Variants in TNIP3 observed in about 807,000 individuals in gnomAD.
TNIP3 encodes TNFAIP3 interacting protein 3.
TNIP3 carries 34 observed loss-of-function variants against 54.1 expected under a neutral mutation model. That is an observed-to-expected ratio of 0.63 (90% CI 0.48 to 0.84). The LOEUF is 0.84. Among genes scored for constraint, TNIP3 ranks in the 40% least tolerant of loss-of-function variants. TNIP3 has a pLI of 0.00. For missense variants in TNIP3, 366 were observed against 387.6 expected (o/e 0.94, Z 0.47); for synonymous variants, 134 against 136.8 (o/e 0.98, Z 0.14).
intron 3 of TNIP3, among the ~76,000 whole-genome samples, chr4:121,182,003 C>A (rs1323256643): frequency 6.6e-6 from 1 of 151,970 alleles, no homozygotes; most frequent in Non-Finnish European, 1.5e-5. Flanking sequence ...TTTAAAATGC[C>A]AGCCATGCTC....
intron 3 of TNIP3, among the ~76,000 whole-genome samples, chr4:121,180,216 T>A (rs948285514): frequency 6.6e-6 from 1 of 152,018 alleles, no homozygotes; most frequent in Admixed American, 6.5e-5. Context: ...CTGGCTAACA[T>A]GGTGAAACCC....
upstream of TNIP3, among the ~76,000 whole-genome samples, chr4:121,220,903 T>C (rs1399099798): frequency 6.6e-6 from 1 of 152,138 alleles, no homozygotes; most frequent in Non-Finnish European, 1.5e-5. Context: ...GGAAAATGCC[T>C]GCAGAGTCAG....
At chr4:121,134,351 T>A (rs943349413) in intron 10 of TNIP3, among the ~76,000 whole-genome samples, 1 of 152,202 alleles carries the variant, frequency 6.6e-6, no homozygotes, top group African/African-American at 2.4e-5. Flanking sequence ...ACAAACAACA[T>A]GTTTTTCAAG....
At chr4:121,213,689 T>C (rs906706017) in intron 2 of TNIP3, among the ~76,000 whole-genome samples, 4 of 148,066 alleles carry the variant, frequency 2.7e-5, no homozygotes, top group African/African-American at 7.6e-5. Flanking sequence ...ATCGTGCCAC[T>C]GCACTTCAGC....
intron 2 of TNIP3, among the ~76,000 whole-genome samples, chr4:121,205,189 T>A (rs1192073573): frequency 6.6e-6 from 1 of 152,000 alleles, no homozygotes. Context: ...TGATCAAAGG[T>A]GGGACTTATT....
intron 2 of TNIP3, among the ~76,000 whole-genome samples, chr4:121,207,128 T>C (rs1286290949): frequency 6.6e-6 from 1 of 152,218 alleles, no homozygotes; most frequent in Non-Finnish European, 1.5e-5. Flanking sequence ...TGTTTTGTTT[T>C]GTTTTGCTTG....
chr4:121,163,432 A>T (rs2148816628), intron 1 of TNIP3, among the ~76,000 whole-genome samples: 1 of 152,338 alleles, frequency 6.6e-6, no homozygotes, highest in East Asian at 1.9e-4. Context: ...CTTACGGAAC[A>T]GTTATTCCCT....
intron 2 of TNIP3, among the ~76,000 whole-genome samples, chr4:121,192,155 A>G (rs1360977572): frequency 6.6e-6 from 1 of 152,190 alleles, no homozygotes; most frequent in Non-Finnish European, 1.5e-5. Flanking sequence ...GAGTCTTTTA[A>G]GTTCGTGTGC....
At chr4:121,217,263 C>A (rs1204833210), upstream of TNIP3, among the ~76,000 whole-genome samples, 2 of 152,126 alleles carry the variant, frequency 1.3e-5, no homozygotes, top group African/African-American at 4.8e-5. Context: ...CTGGAAACCA[C>A]CAATTGCTGA....
intron 10 of TNIP3, among the ~76,000 whole-genome samples, chr4:121,133,703 A>G (rs1728614295): frequency 6.6e-6 from 1 of 152,208 alleles, no homozygotes; most frequent in Non-Finnish European, 1.5e-5. Context: ...AAAAACAAAG[A>G]TAGGTCTTTA....
chr4:121,213,600 G>T (rs184474410), intron 2 of TNIP3, among the ~76,000 whole-genome samples: 2 of 151,596 alleles, frequency 1.3e-5, no homozygotes, highest in South Asian at 2.1e-4. Flanking sequence ...GGTGGCGGGC[G>T]CCTGTAGTCC....
chr4:121,136,667 A>C (rs1482642606), intron 10 of TNIP3: 3 of 152,000 alleles, frequency 2.0e-5, no homozygotes, highest in East Asian at 3.9e-4. Context: ...AACAGACTGG[A>C]GGTGGAGCAA....
intron 10 of TNIP3, chr4:121,137,990 A>G (rs1490866741): frequency 2.2e-6 from 1 of 456,198 alleles, no homozygotes; most frequent in East Asian, 6.9e-5. Context: ...GACCATAGAA[A>G]CAAGCAGTAG....
At chr4:121,143,713 A>G (rs1286965781) in intron 7 of TNIP3, among the ~76,000 whole-genome samples, 1 of 152,244 alleles carries the variant, frequency 6.6e-6, no homozygotes, top group East Asian at 1.9e-4. Flanking sequence ...TCAATGGATC[A>G]ATACATAACT....
intron 7 of TNIP3, among the ~76,000 whole-genome samples, chr4:121,144,187 A>T (rs1729293271): frequency 6.6e-6 from 1 of 152,198 alleles, no homozygotes; most frequent in Non-Finnish European, 1.5e-5. Context: ...ATTTACTAGC[A>T]AGAACCAGTT....
At chr4:121,138,871 T>G (rs761214407) in intron 9 of TNIP3, among the ~76,000 whole-genome samples, 187 bp from the exon 10 acceptor site, 2 of 151,938 alleles carry the variant, frequency 1.3e-5, no homozygotes, top group African/African-American at 2.4e-5. Context: ...CCCTACCCCC[T>G]CTTAAATCCA....
intron 2 of TNIP3, among the ~76,000 whole-genome samples, chr4:121,204,207 C>T (rs1044447020): frequency 1.3e-5 from 2 of 152,132 alleles, no homozygotes; most frequent in African/African-American, 4.8e-5. Flanking sequence ...CTGGAAACTG[C>T]TTAGGGCAAA....
intron 2 of TNIP3, among the ~76,000 whole-genome samples, chr4:121,202,708 C>T (rs1444899637): frequency 1.3e-5 from 2 of 152,032 alleles, no homozygotes; most frequent in African/African-American, 4.8e-5. Flanking sequence ...CCAGAATCTA[C>T]AAGGAACTCA....
intron 5 of TNIP3, 114 bp from the exon 6 acceptor site, chr4:121,150,333 C>T (rs966546842): frequency 1.9e-5 from 11 of 570,884 alleles, no homozygotes; most frequent in South Asian, 6.1e-5. Context: ...TCATGTTTAA[C>T]GCTGCTTACA....
Sources: allele counts gnomAD v4.1 joint callset (sites outside exome capture counted in the v4.1 genomes callset), GRCh38; gene constraint gnomAD v4.1.1; transcripts MANE v1.5; gene names NCBI Gene and HGNC (gene_info 2026-07-23, HGNC 2026-07-21).